Variants in ZNF827 observed in about 807,000 individuals in gnomAD.
ZNF827 encodes zinc finger protein 827.
A neutral mutation model predicts 102.4 loss-of-function variants in ZNF827; 13 were observed. That is an observed-to-expected ratio of 0.13 (90% CI 0.08 to 0.20). ZNF827 has a LOEUF of 0.20. Ranked by LOEUF, ZNF827 falls within the 10% of genes least tolerant of loss-of-function variation. The pLI is 1.00. For missense variants in ZNF827, 1,103 were observed against 1,344.4 expected (o/e 0.82, Z 2.81); for synonymous variants, 523 against 536.2 (o/e 0.98, Z 0.34).
At chr4:145,853,305 C>T (rs1310467141) in intron 5 of ZNF827, among the ~76,000 whole-genome samples, 1 of 152,196 alleles carries the variant, frequency 6.6e-6, no homozygotes, top group Non-Finnish European at 1.5e-5. Context: ...GTCTCCCATA[C>T]CCAGGGACAT....
At chr4:145,914,610 T>A (rs1002904464) in intron 1 of ZNF827, among the ~76,000 whole-genome samples, 1 of 152,040 alleles carries the variant, frequency 6.6e-6, no homozygotes, top group African/African-American at 2.4e-5. Context: ...CACACAGAAG[T>A]CAACAATAGA....
chr4:145,796,397 G>A (rs926301345), intron 8 of ZNF827, among the ~76,000 whole-genome samples: 1 of 152,182 alleles, frequency 6.6e-6, no homozygotes, highest in Non-Finnish European at 1.5e-5. Flanking sequence ...GGTTAGCGGA[G>A]CAAGGAGCAG....
rs566615983 is a variant in ZNF827 at position 145,760,838 on chromosome 4, A to G, written c.*778T>C. Reference sequence around the variant, plus strand: ...TAGGCCAGGAAGGAGTGTTTGGGTGAGGGGATGCTGGGAGGCGCAGTCTGA... The same window carrying G: ...TAGGCCAGGAAGGAGTGTTTGGGTGGGGGGATGCTGGGAGGCGCAGTCTGA... On this transcript the variant is annotated 3_prime_UTR_variant, in exon 15 of 15. Coordinates refer to ENST00000508784, the MANE Select transcript of ZNF827 (RefSeq NM_001306215.2). The G allele has an allele frequency of 1.7e-6, 2 of 1,202,204 alleles. No individual in the cohort carries two copies. Among genetic ancestry groups the G allele is most frequent in the Admixed American group, 6.7e-5 (2 of 29,752 alleles). The allele number at this position is 1,202,204 out of a possible 1,614,324, so 74.5% of individuals were successfully genotyped here.
chr4:145,837,295 A>G (rs1334311198), intron 7 of ZNF827, among the ~76,000 whole-genome samples: 2 of 152,170 alleles, frequency 1.3e-5, no homozygotes, highest in East Asian at 3.8e-4. Flanking sequence ...CACCTCACCA[A>G]GCTCAGCCAC....
At chr4:145,882,431 G>A (rs1749748310) in intron 4 of ZNF827, among the ~76,000 whole-genome samples, 1 of 152,172 alleles carries the variant, frequency 6.6e-6, no homozygotes, top group South Asian at 2.1e-4. Context: ...AGTGTTAAGT[G>A]TGGGCTCAGT....
At chr4:145,904,300 C>G (rs1171824821) in intron 1 of ZNF827, among the ~76,000 whole-genome samples, 1 of 152,196 alleles carries the variant, frequency 6.6e-6, no homozygotes, top group East Asian at 1.9e-4. Flanking sequence ...AAGATCCTGC[C>G]TTCTTGGAGC....
intron 4 of ZNF827, among the ~76,000 whole-genome samples, chr4:145,874,790 T>C (rs570967713): frequency 6.6e-6 from 1 of 152,326 alleles, no homozygotes; most frequent in South Asian, 2.1e-4. Context: ...TCTGGATAAC[T>C]GCACTTTTGA....
At chr4:145,852,624 C>T (rs1293348938) in intron 5 of ZNF827, among the ~76,000 whole-genome samples, 1 of 152,088 alleles carries the variant, frequency 6.6e-6, no homozygotes, top group African/African-American at 2.4e-5. Flanking sequence ...GATTTCTCAA[C>T]CTCGGTACTA....
chr4:145,872,807 A>T (rs531853862), intron 4 of ZNF827, among the ~76,000 whole-genome samples: 87 of 151,228 alleles, frequency 5.8e-4, no homozygotes, highest in African/African-American at 2.1e-3. Flanking sequence ...CCCAGGAGGC[A>T]GAGGTTGTGG....
chr4:145,800,861 T>C (rs1560939109), intron 8 of ZNF827, among the ~76,000 whole-genome samples: 1 of 152,168 alleles, frequency 6.6e-6, no homozygotes, highest in Non-Finnish European at 1.5e-5. Context: ...GAACCATACA[T>C]CTAATGTATC....
rs114828628 is a variant in ZNF827 at position 145,847,388 on chromosome 4, T to C, written c.2222-1375A>G. On this transcript the variant is annotated intron_variant, in intron 6 of 14. Transcript: ENST00000508784. ...GCATGAAAACTGCAGTTGTTGCAAC[T>C]GTTCCGCCTCTGACTTTGATGACAA... 6.9e-3 allele frequency among the ~76,000 whole-genome samples: 1,053 copies of C among 152,338 alleles called. 6 individuals are homozygous for C. Among genetic ancestry groups the C allele is most frequent in the Middle Eastern group, 0.024 (7 of 294 alleles).
intron 4 of ZNF827, 53 bp downstream of exon 4, chr4:145,885,620 GAGAGA>G: frequency 3.8e-6 from 3 of 789,028 alleles, no homozygotes; most frequent in Non-Finnish European, 4.8e-6. Flanking sequence ...CAGAGAGAGA[GAGAGA>G]GAGAGAGAGA....
intron 4 of ZNF827, among the ~76,000 whole-genome samples, chr4:145,884,025 C>A (rs543587143): frequency 6.6e-6 from 1 of 152,196 alleles, no homozygotes; most frequent in East Asian, 1.9e-4. Flanking sequence ...ACATTTTCCC[C>A]TAGATTGGAA....
At chr4:145,811,967 T>C (rs1285234213) in intron 8 of ZNF827, among the ~76,000 whole-genome samples, 1 of 151,650 alleles carries the variant, frequency 6.6e-6, no homozygotes, top group Middle Eastern at 3.2e-3. Flanking sequence ...CAGGCTGGAG[T>C]GCAGTGGCAC....
rs779086718 is a variant in ZNF827 at position 145,902,900 on chromosome 4, C to T, written c.359G>A (p.Ser120Asn). 1.1e-5 allele frequency: 18 copies of T among 1,614,150 alleles called. No homozygotes were observed. The highest frequency in any genetic ancestry group is 1.4e-5 in the Non-Finnish European group (17 of 1,180,020). ...DDDPGSNKPLSSNLRRLLEAG... is the reference protein window; with the variant it reads ...DDDPGSNKPLNSNLRRLLEAG... ...CTCCAGCAGCCGCCTCAAATTGCTGCTCAGGGGCTTGTTGGAGCCTGGGTC... is the reference window on the plus strand; with the variant it reads ...CTCCAGCAGCCGCCTCAAATTGCTGTTCAGGGGCTTGTTGGAGCCTGGGTC... Residue 120 changes from serine to asparagine, a missense_variant, in exon 2 of 15, where the codon AGC becomes AAC. By Grantham distance (46) the Ser-to-Asn change is conservative (BLOSUM62 1). Around this residue, in one of 5 missense-constraint regions of ZNF827, gnomAD observed 441 missense variants for 458.6 expected, o/e 0.96. Transcript: ENST00000508784. This position sits in a 1 kb window ranked among gnomAD's most constrained non-coding sequence, Gnocchi z 4.3.
intron 1 of ZNF827, among the ~76,000 whole-genome samples, chr4:145,936,990 C>T (rs1353009051): frequency 6.6e-6 from 1 of 152,120 alleles, no homozygotes; most frequent in Non-Finnish European, 1.5e-5. Context: ...CCCCTCCTCC[C>T]CGTCACCCCG....
chr4:145,907,225 T>G (rs1450536489), intron 1 of ZNF827: 4 of 456,420 alleles, frequency 8.8e-6, no homozygotes, highest in Non-Finnish European at 1.8e-5. Context: ...TTTTGCCTGC[T>G]GGGCTCCTCT....
chr4:145,847,092 T>C (rs1390337391), intron 6 of ZNF827, among the ~76,000 whole-genome samples: 9 of 150,992 alleles, frequency 6.0e-5, no homozygotes, highest in Non-Finnish European at 1.3e-4. Flanking sequence ...AGGTGGAGGG[T>C]GTAGTGAGCC....
chr4:145,896,991 C>T (rs945189733), intron 2 of ZNF827, among the ~76,000 whole-genome samples: 2 of 152,120 alleles, frequency 1.3e-5, no homozygotes, highest in African/African-American at 4.8e-5. Flanking sequence ...AGTTTTAAAA[C>T]ACTGAGCTAC....
Sources: allele counts gnomAD v4.1 joint callset (sites outside exome capture counted in the v4.1 genomes callset), GRCh38; gene constraint gnomAD v4.1.1; regional missense constraint gnomAD v4.1.1; non-coding constraint Gnocchi (gnomAD v3.1); transcripts MANE v1.5; gene names NCBI Gene and HGNC (gene_info 2026-07-23, HGNC 2026-07-21).